Variants in ARAP2 observed in about 807,000 individuals in gnomAD.
ARAP2 encodes arf-GAP with Rho-GAP domain, ANK repeat and PH domain-containing protein 2.
ARAP2 carries 148 observed loss-of-function variants against 194.5 expected under a neutral mutation model. The ratio of observed to expected loss-of-function variants is 0.76; its 90% CI spans 0.67 to 0.87. ARAP2 has a LOEUF of 0.87. ARAP2 is among the 40% of genes least tolerant of loss of function. The pLI is 0.00. For missense variants in ARAP2, 2,128 were observed against 1,989.7 expected (o/e 1.07, Z -1.32); for synonymous variants, 695 against 683.5 (o/e 1.02, Z -0.26).
At chr4:36,069,484 T>C (rs1726296559) in intron 32 of ARAP2, among the ~76,000 whole-genome samples, 1 of 152,072 alleles carries the variant, frequency 6.6e-6, no homozygotes, top group Non-Finnish European at 1.5e-5. Flanking sequence ...CCATGATATA[T>C]GTATTTTATC....
chr4:36,083,524 T>C (rs1418090937), intron 28 of ARAP2, 74 bp from the exon 29 acceptor site: 2 of 1,078,730 alleles, frequency 1.9e-6, no homozygotes, highest in African/African-American at 3.2e-5. Context: ...GCATTAATGA[T>C]TGGGTTTAGA....
chr4:36,159,618 T>G, intron 13 of ARAP2, 113 bp from the exon 14 acceptor site: 1 of 950,676 alleles, frequency 1.1e-6, no homozygotes, highest in Non-Finnish European at 1.4e-6. Flanking sequence ...ATTCCTTTTA[T>G]CCTAAGGCGG....
downstream of ARAP2, chr4:36,065,497 G>T: frequency 3.2e-6 from 1 of 315,078 alleles, no homozygotes; most frequent in South Asian, 2.5e-5. Flanking sequence ...TAGAAATGGG[G>T]ACAGCATCTT....
At chr4:36,178,118 CACA>C (rs1738404631) in intron 8 of ARAP2, 113 bp from the exon 9 acceptor site, 1 of 889,416 alleles carries the variant, frequency 1.1e-6, no homozygotes, top group African/African-American at 1.7e-5. Context: ...GATTCTTTCC[CACA>C]ACCACAATCT....
At chr4:36,102,436 G>A (rs577416377) in intron 27 of ARAP2, among the ~76,000 whole-genome samples, 2 of 152,024 alleles carry the variant, frequency 1.3e-5, no homozygotes, top group East Asian at 3.9e-4. Context: ...GTCAGTACTT[G>A]CTCAGTTATA....
chr4:36,116,280 ATGT>A lies in ARAP2; in HGVS notation c.4038+778_4038+780del, dbSNP rs200190406. Among the ~76,000 whole-genome samples the A allele has an allele frequency of 6.0e-3, 915 of 152,070 alleles. 8 individuals carry two copies. Among genetic ancestry groups the A allele is most frequent in the African/African-American group, 0.021 (868 of 41,558 alleles). ...TTTAACTTAAGTCCAAATATATCTA[ATGT>A]TGTGACTGTTTAATCCTGGACTTTA... On this transcript the variant is annotated intron_variant, in intron 25 of 32. Transcript: ENST00000303965.
At chr4:36,128,505 T>TCACACACACACACACACACACAC (rs1560489297) in intron 21 of ARAP2, 28 bp downstream of exon 21, 2 of 1,227,846 alleles carry the variant, frequency 1.6e-6, no homozygotes, top group Non-Finnish European at 1.2e-6. Context: ...CACACACACA[T>TCACACACACACACACACACACAC]ATCTACAAAT....
At chr4:36,061,791 C>T (rs768105650), downstream of ARAP2, among the ~76,000 whole-genome samples, 50 of 152,134 alleles carry the variant, frequency 3.3e-4, no homozygotes, top group African/African-American at 9.4e-4. Context: ...TTTCCCTTTT[C>T]GCCACAATCT....
intron 32 of ARAP2, among the ~76,000 whole-genome samples, chr4:36,068,690 G>A (rs561409282): frequency 3.3e-5 from 5 of 152,182 alleles, no homozygotes; most frequent in South Asian, 2.1e-4. Flanking sequence ...CTGATATGGC[G>A]TGCTGTGTTG....
At chr4:36,020,281 G>A (rs1716683693) in intron 5 of ARAP2, among the ~76,000 whole-genome samples, 1 of 152,144 alleles carries the variant, frequency 6.6e-6, no homozygotes, top group Non-Finnish European at 1.5e-5. Context: ...TGTGTTGGTG[G>A]ATGGCTGTAA....
chr4:36,150,590 C>A (rs568781724), intron 16 of ARAP2, among the ~76,000 whole-genome samples: 5 of 151,356 alleles, frequency 3.3e-5, no homozygotes, highest in African/African-American at 4.9e-5. Flanking sequence ...TGCAGTGAGC[C>A]GAGATCGCCT....
intron 3 of ARAP2, among the ~76,000 whole-genome samples, chr4:36,051,839 T>C (rs955037290): frequency 6.6e-6 from 1 of 152,224 alleles, no homozygotes; most frequent in Non-Finnish European, 1.5e-5. Context: ...CACTCACTCT[T>C]TCTTCAGGCA....
chr4:36,077,238 G>A (rs1728448108), intron 31 of ARAP2, among the ~76,000 whole-genome samples: 1 of 152,052 alleles, frequency 6.6e-6, no homozygotes, highest in East Asian at 1.9e-4. Flanking sequence ...AGATTAGGGT[G>A]GGGGTGACCA....
chr4:36,052,051 T>C (rs1722760446), exon 3 of ARAP2: 2 of 152,240 alleles, frequency 1.3e-5, no homozygotes, highest in South Asian at 2.1e-4. Context: ...GAACAGTTCA[T>C]ACCTGAAAAA....
intron 29 of ARAP2, 152 bp from the exon 30 acceptor site, chr4:36,082,438 G>A: frequency 1.2e-5 from 9 of 736,320 alleles, no homozygotes; most frequent in Non-Finnish European, 1.8e-5. Flanking sequence ...CTTAGCTAGA[G>A]GTGAATGCTA....
chr4:36,236,962 G>A (rs1752564644), intron 1 of ARAP2, among the ~76,000 whole-genome samples: 1 of 152,176 alleles, frequency 6.6e-6, no homozygotes, highest in Admixed American at 6.5e-5. Context: ...CTGCCTTCAA[G>A]TGTCCCTGCA....
chr4:36,196,365 T>C (rs149619678), intron 6 of ARAP2, among the ~76,000 whole-genome samples: 18 of 152,286 alleles, frequency 1.2e-4, no homozygotes, highest in Non-Finnish European at 2.4e-4. Flanking sequence ...CAGTCGAAGA[T>C]GCAGCATCTG....
At chr4:36,056,013 T>C (rs1053416654) in intron 2 of ARAP2, among the ~76,000 whole-genome samples, 2 of 152,238 alleles carry the variant, frequency 1.3e-5, no homozygotes, top group African/African-American at 2.4e-5. Flanking sequence ...AGAAGAAATA[T>C]ATTTCATTAA....
intron 32 of ARAP2, 113 bp downstream of exon 32, chr4:36,073,576 G>A (rs1727545094): frequency 3.3e-6 from 4 of 1,206,916 alleles, no homozygotes; most frequent in Non-Finnish European, 3.4e-6. Flanking sequence ...GCTTTACAAA[G>A]TGATTATTAT....
Sources: gnomAD v4.1 joint callset for allele counts (sites outside exome capture counted in the v4.1 genomes callset) on GRCh38, gnomAD v4.1.1 for gene constraint, MANE v1.5 for transcripts, NCBI Gene and HGNC (gene_info 2026-07-23, HGNC 2026-07-21) for gene names.